The following LOC400499 variants were observed in gnomAD, a reference collection of about 807,000 sequenced individuals.
At chr16:11,516,875 G>A in the LOC400499 span, among the ~76,000 whole-genome samples, 1 of 152,128 alleles carries the variant, frequency 6.6e-6, no homozygotes, top group African/African-American at 2.4e-5. Context: ...TCAAACTCCT[G>A]AGCTCAAGCA....
the LOC400499 span, among the ~76,000 whole-genome samples, chr16:11,499,697 G>T: frequency 1.3e-5 from 2 of 152,134 alleles, no homozygotes; most frequent in African/African-American, 4.8e-5. Flanking sequence ...CCAATGCAGG[G>T]GTCTCTGATG....
the LOC400499 span, among the ~76,000 whole-genome samples, chr16:11,412,263 G>A: frequency 6.6e-6 from 1 of 152,174 alleles, no homozygotes; most frequent in African/African-American, 2.4e-5. Context: ...CTTGACTCCT[G>A]GCCTTCACAG....
At chr16:11,379,292 G>C in the LOC400499 span, among the ~76,000 whole-genome samples, 2 of 152,168 alleles carry the variant, frequency 1.3e-5, no homozygotes, top group Non-Finnish European at 2.9e-5. Flanking sequence ...CATTATCGTA[G>C]ACCTATCTGT....
At chr16:11,384,811 C>G in the LOC400499 span, 2 of 1,201,442 alleles carry the variant, frequency 1.7e-6, no homozygotes, top group Non-Finnish European at 2.1e-6. Flanking sequence ...AGCCCCCTGC[C>G]GCCCTGGAAG....
chr16:11,393,161 C>CA, the LOC400499 span, among the ~76,000 whole-genome samples: 1 of 142,674 alleles, frequency 7.0e-6, no homozygotes, highest in Non-Finnish European at 1.6e-5. Flanking sequence ...GCCACCCCCC[C>CA]CCCTTTTTTT....
the LOC400499 span, among the ~76,000 whole-genome samples, chr16:11,434,826 C>A: frequency 6.6e-6 from 1 of 152,130 alleles, no homozygotes; most frequent in East Asian, 1.9e-4. Context: ...GGACTTGAAC[C>A]CAAGTGGTCA....
the LOC400499 span, among the ~76,000 whole-genome samples, chr16:11,408,489 T>C: frequency 6.8e-6 from 1 of 147,222 alleles, no homozygotes; most frequent in Non-Finnish European, 1.5e-5. Flanking sequence ...AGACAGGGTC[T>C]GTCTGCTCTG....
At chr16:11,384,266 G>A in the LOC400499 span, 1 of 1,232,358 alleles carries the variant, frequency 8.1e-7, no homozygotes, top group Admixed American at 4.2e-5. Context: ...GAGCCATCCG[G>A]CAACATCAGC....
At chr16:11,483,977 G>A in the LOC400499 span, among the ~76,000 whole-genome samples, 2 of 145,450 alleles carry the variant, frequency 1.4e-5, no homozygotes, top group East Asian at 2.1e-4. Context: ...GGACAGAGGA[G>A]AAGCAGGAGG....
At chr16:11,518,233 G>C in the LOC400499 span, among the ~76,000 whole-genome samples, 10 of 152,310 alleles carry the variant, frequency 6.6e-5, no homozygotes, top group African/African-American at 2.4e-4. Context: ...GGTATCCCTA[G>C]ACAAAGGCTT....
At chr16:11,384,817 G>C in the LOC400499 span, 4 of 1,213,464 alleles carry the variant, frequency 3.3e-6, no homozygotes, top group Non-Finnish European at 4.1e-6. Context: ...CTGCCGCCCT[G>C]GAAGCTTAAA....
chr16:11,436,386 C>T, the LOC400499 span, among the ~76,000 whole-genome samples: 3 of 152,042 alleles, frequency 2.0e-5, no homozygotes, highest in Non-Finnish European at 4.4e-5. Flanking sequence ...TGTAGCTAGT[C>T]CCAACAAGGG....
At chr16:11,466,814 T>C in the LOC400499 span, among the ~76,000 whole-genome samples, 1 of 152,214 alleles carries the variant, frequency 6.6e-6, no homozygotes, top group Non-Finnish European at 1.5e-5. Context: ...TAGAATTTAA[T>C]AATATTTAGA....
chr16:11,525,318 A>T, the LOC400499 span, among the ~76,000 whole-genome samples: 1 of 151,582 alleles, frequency 6.6e-6, no homozygotes, highest in African/African-American at 2.4e-5. Flanking sequence ...AGGAAAAACA[A>T]ATCATTTCCC....
the LOC400499 span, among the ~76,000 whole-genome samples, chr16:11,416,005 G>C: frequency 1.3e-5 from 2 of 151,380 alleles, no homozygotes; most frequent in Non-Finnish European, 2.9e-5. Flanking sequence ...GCCCAGGCTG[G>C]AGTGCTGTGG....
the LOC400499 span, among the ~76,000 whole-genome samples, chr16:11,444,573 G>A: frequency 6.6e-6 from 1 of 152,166 alleles, no homozygotes; most frequent in Non-Finnish European, 1.5e-5. Flanking sequence ...GAACCATGTG[G>A]CCCATGAAAC....
At chr16:11,381,970 T>G in the LOC400499 span, among the ~76,000 whole-genome samples, 2 of 149,770 alleles carry the variant, frequency 1.3e-5, no homozygotes, top group African/African-American at 2.5e-5. Flanking sequence ...TGAGACGGAG[T>G]CTTGCTCTGT....
chr16:11,407,399 T>C, the LOC400499 span: 1 of 397,098 alleles, frequency 2.5e-6, no homozygotes, highest in Non-Finnish European at 4.4e-6. Context: ...AGGGCTCTGA[T>C]GGAACATTCC....
At chr16:11,516,722 T>A in the LOC400499 span, among the ~76,000 whole-genome samples, 5 of 152,250 alleles carry the variant, frequency 3.3e-5, no homozygotes, top group African/African-American at 4.8e-5. Flanking sequence ...CTGAGCTCAC[T>A]GCAGCCTCAA....
Sources: gnomAD v4.1 joint callset for allele counts (sites outside exome capture counted in the v4.1 genomes callset) on GRCh38, gnomAD v4.1.1 for gene constraint, MANE v1.5 for transcripts.